The following SDF4 variants were observed in gnomAD, a reference collection of about 807,000 sequenced individuals.
SDF4 encodes stromal cell derived factor 4.
A neutral mutation model predicts 34.2 loss-of-function variants in SDF4; 22 were observed. The ratio of observed to expected loss-of-function variants is 0.64; its 90% confidence interval spans 0.46 to 0.92. The LOEUF (loss-of-function observed/expected upper bound fraction) is 0.92, where lower values mean the gene tolerates loss of function less well. Among genes scored for constraint, SDF4 ranks in the 40% least tolerant of loss-of-function variants. The probability of loss-of-function intolerance (pLI) is 0.00; values close to 1 mark genes in which losing one functional copy is unlikely to be tolerated. For synonymous variants in SDF4, 236 were observed against 203.1 expected, an observed-to-expected ratio of 1.16 and a Z score of -1.38; for missense variants, 447 against 499.9, an observed-to-expected ratio of 0.89 and a Z score of 1.01.
rs751541516 is a variant in SDF4 at position 1,217,795 on chromosome 1, T to C, written c.892-107A>G. 6.3e-7 allele frequency: 1 copy of C among 1,585,944 alleles called. No individual in the cohort carries two copies. The highest frequency in any genetic ancestry group is 8.6e-7 in the Non-Finnish European group (1 of 1,167,762). On this transcript the variant is annotated intron_variant, in intron 6 of 6. Coordinates refer to ENST00000360001, the MANE Select transcript of SDF4 (RefSeq NM_016176.6). This position sits in a 1 kb window ranked among gnomAD's most constrained non-coding sequence, Gnocchi z 8.5. ...GTGCCTATTGGCTGCAGCGGGAGTG[T>C]GGGCACGTTCTGGAAGGTTCCCGAA... is the stretch of plus-strand genomic sequence containing the variant.
chr1:1,225,025 G>A (rs1313003359), intron 2 of SDF4, among the ~76,000 whole-genome samples: 4 of 152,232 alleles, frequency 2.6e-5, no homozygotes, highest in South Asian at 4.1e-4. Context: ...CAGACTTGGG[G>A]GATAGGGACA....
At chr1:1,227,886 G>A (rs112328659) in intron 2 of SDF4, among the ~76,000 whole-genome samples, 11,706 of 152,210 alleles carry the variant, frequency 0.077, 569 homozygotes, top group East Asian at 0.17. Flanking sequence ...GGGCAGTGAC[G>A]GCCAAGGATG....
intron 1 of SDF4, among the ~76,000 whole-genome samples, chr1:1,231,644 G>A (rs1210265837): frequency 6.6e-6 from 1 of 152,264 alleles, no homozygotes; most frequent in Non-Finnish European, 1.5e-5. Context: ...GCATTCGTAG[G>A]TTTTGGCCAG....
rs1476545744 is a variant in SDF4, at chr1:1,223,979, G to A, written c.306-11C>T. On this transcript the variant is annotated splice_polypyrimidine_tract_variant and intron_variant, in intron 2 of 6. Coordinates refer to ENST00000360001, the MANE Select transcript of SDF4 (RefSeq NM_016176.6). ...GTGTTCACATCCACCCTGCAAGACA[G>A]CAAATGGGCAGGTGGCCGTCAGACT... is the stretch of plus-strand genomic sequence containing the variant. The A allele has an allele frequency of 1.2e-6, 2 of 1,608,954 alleles. No homozygotes were observed. The highest frequency in any genetic ancestry group is 2.2e-5 in the East Asian group (1 of 44,862).
At chr1:1,230,426 C>A (rs1336137512) in intron 1 of SDF4, among the ~76,000 whole-genome samples, 1 of 151,986 alleles carries the variant, frequency 6.6e-6, no homozygotes, top group Non-Finnish European at 1.5e-5. Context: ...TGAGTTCCCC[C>A]AAGGAAGGAA....
In SDF4 at chr1:1,217,760, G is replaced by A. The variant is rs769118460; in HGVS notation, c.892-72C>T. The stretch of plus-strand genomic sequence containing the variant: ...GCTCCGCGGCCAGCCGCACGAAGTG[G>A]CTATTTAAGGTGCCTATTGGCTGCA... On this transcript the variant is annotated intron_variant, in intron 6 of 6. Coordinates refer to ENST00000360001, the MANE Select transcript of SDF4 (RefSeq NM_016176.6). This position sits in a 1 kb window ranked among gnomAD's most constrained non-coding sequence, Gnocchi z 8.5. The A allele has an allele frequency of 1.9e-6, 3 of 1,604,606 alleles. No individual in the cohort carries two copies. Among genetic ancestry groups the A allele is most frequent in the Non-Finnish European group, 1.7e-6 (2 of 1,176,490 alleles).
Position 1,223,820 on chromosome 1 carries a change from C to CCCCCCCCCCCCCAA in SDF4, c.442+11_442+12insTTGGGGGGGGGGGG. The CCCCCCCCCCCCCAA allele has an allele frequency of 6.6e-7, 1 of 1,515,852 alleles. No individual in the cohort carries two copies. Among genetic ancestry groups the CCCCCCCCCCCCCAA allele is most frequent in the South Asian group, 1.2e-5 (1 of 86,082 alleles). 93.9% of individuals were successfully genotyped at this position (1,515,852 alleles called of 1,614,324 possible). A position where few individuals can be genotyped will look rare whatever the true frequency, so the allele number is the denominator to read the frequency against. On this transcript the variant is annotated intron_variant, in intron 3 of 6. Transcript: ENST00000360001. ...GCCCACCGCCCCACCCACCCCGGCCCAGCCACAGTACCGTCCCCGTCAGGG... is the reference window on the plus strand; with the variant it reads ...GCCCACCGCCCCACCCACCCCGGCCCCCCCCCCCCCCCAAAGCCACAGTACCGTCCCCGTCAGGG...
At chr1:1,227,589 C>G (rs1638351663) in intron 2 of SDF4, among the ~76,000 whole-genome samples, 1 of 152,218 alleles carries the variant, frequency 6.6e-6, no homozygotes, top group Non-Finnish European at 1.5e-5. Context: ...GCCCGGCACC[C>G]TGGCTGGCCT....
Position 1,217,559 on chromosome 1 carries a change from C to G in SDF4, c.1021G>C (p.Gly341Arg). Residue 341 changes from glycine (G) to arginine (R), a missense_variant, in exon 7 of 7, where the codon GGC becomes CGC. Coordinates refer to ENST00000360001, the MANE Select transcript of SDF4 (RefSeq NM_016176.6). This position sits in a 1 kb window ranked among gnomAD's most constrained non-coding sequence, Gnocchi z 8.5. ...CGCGCGTAGTCCACCAGCTTGCTGC[C>G]CGTGAAGAACTCGCTGTACTTGAGC... is the stretch of plus-strand genomic sequence containing the variant. ...EVLKYSEFFT[G>R]SKLVDYARSV... The G allele has an allele frequency of 1.2e-6, 2 of 1,613,264 alleles. No homozygotes were observed. Among genetic ancestry groups the G allele is most frequent in the Non-Finnish European group, 1.7e-6 (2 of 1,179,814 alleles).
chr1:1,228,355 C>T, intron 2 of SDF4, 113 bp downstream of exon 2: 1 of 1,215,324 alleles, frequency 8.2e-7, no homozygotes, highest in Non-Finnish European at 1.1e-6. Context: ...TCTTCCCAGC[C>T]CGGCAGGTCC....
chr1:1,220,797 G>A (rs1649901606), intron 4 of SDF4: 1 of 1,277,278 alleles, frequency 7.8e-7, no homozygotes, highest in Non-Finnish European at 1.0e-6. Context: ...TTGGGGGGCG[G>A]GCACGGGCAA....
rs12080401 is a variant in SDF4 at position 1,221,062 on chromosome 1, C to T, written c.557-2135G>A. ...TTTAGCCCAGGACTTTGAGACCAGC[C>T]TGGGCAACACAGGGAGATCCTCTTA... On this transcript the variant is annotated intron_variant, in intron 4 of 6. Coordinates refer to ENST00000360001, the MANE Select transcript of SDF4 (RefSeq NM_016176.6). 1,123 of 314,700 alleles carry T rather than the reference C, an allele frequency of 3.6e-3. 13 individuals carry two copies. The highest frequency in any genetic ancestry group is 0.022 in the African/African-American group (1,006 of 46,266). The allele number at this position is 314,700 out of a possible 1,614,324, so 19.5% of individuals were successfully genotyped here.
rs1211041360 is a variant in SDF4, at chr1:1,218,866, G to T, written c.618C>A (p.Asp206Glu). ...GGAACTCCTCCTCCGTCAGCAGCAG[G>T]TCTGCAGGGGGGCTGTCCGCCTGGT... ...RWYQADSPPA[D>E]LLLTEEEFLS... Residue 206 changes from aspartate (D) to glutamate (E), a missense_variant, in exon 5 of 7, where the codon GAC becomes GAA. Transcript: ENST00000360001. This position sits in a 1 kb window ranked among gnomAD's most constrained non-coding sequence, Gnocchi z 7.9. The T allele has an allele frequency of 6.3e-7, 1 of 1,598,300 alleles. No homozygotes were observed. The highest frequency in any genetic ancestry group is 8.5e-7 in the Non-Finnish European group (1 of 1,169,606).
intron 4 of SDF4, chr1:1,220,195 G>A: frequency 3.0e-6 from 3 of 992,380 alleles, no homozygotes; most frequent in Non-Finnish European, 3.6e-6. Flanking sequence ...CTCCCCACGA[G>A]CCGGGCCTCT....
At chr1:1,225,297 G>A (rs1014790255) in intron 2 of SDF4, among the ~76,000 whole-genome samples, 5 of 152,212 alleles carry the variant, frequency 3.3e-5, no homozygotes, top group African/African-American at 7.2e-5. Context: ...AGGCATCCCC[G>A]AGAGTAGGGT....
Position 1,225,049 on chromosome 1 carries a change from C to T in SDF4, c.306-1081G>A, listed in dbSNP as rs373949693. On this transcript the variant is annotated intron_variant, in intron 2 of 6. Coordinates refer to ENST00000360001, the MANE Select transcript of SDF4 (RefSeq NM_016176.6). ...GGGATAGGGACACAGACTGGGGACA[C>T]GGGGCCAGCGCAGGCCAGGTCAGGA... is the stretch of plus-strand genomic sequence containing the variant. 7.2e-5 allele frequency among the ~76,000 whole-genome samples: 11 copies of T among 152,326 alleles called. No individual in the cohort carries two copies. In the South Asian group the frequency reaches 8.3e-4, roughly 11 times the overall value.
chr1:1,223,327 T>C lies in SDF4; in HGVS notation c.473A>G (p.Lys158Arg), dbSNP rs776297732. The C allele has an allele frequency of 1.2e-6, 2 of 1,613,862 alleles. No individual in the cohort carries two copies. Among genetic ancestry groups the C allele is most frequent in the Non-Finnish European group, 1.7e-6 (2 of 1,179,874 alleles). Residue 158 changes from lysine to arginine, a missense_variant, in exon 4 of 7, where the codon AAG (lysine) becomes AGG (arginine). Coordinates refer to ENST00000360001, the MANE Select transcript of SDF4 (RefSeq NM_016176.6). ...GHVSWDEYKV[K>R]FLASKGHSEK... ...GCTATGGCCTTTACTCGCCAAAAAC[T>C]TCACCTTATACTCGTCCCAAGACAC...
chr1:1,228,616 C>G lies in SDF4; in HGVS notation c.157G>C (p.Asp53His), dbSNP rs200156622. ...TCCAGCTTCACCCCGTTCAGGTGGT[C>G]TGGGGGCAGGATCTCATTCTCCTCC... The part of the protein sequence containing the change: ...NREENEILPP[D>H]HLNGVKLEMD... The change falls in exon 2 of 7, where the codon GAC becomes CAC. Residue 53 changes from aspartate (D) to histidine (H), a missense_variant. Transcript: ENST00000360001. 38 of 1,613,248 alleles carry G rather than the reference C, an allele frequency of 2.4e-5. No homozygotes were observed. The African/African-American group carries it at 4.3e-4, about 18-fold the overall frequency.
At chr1:1,227,635 CT>C (rs544183522) in intron 2 of SDF4, among the ~76,000 whole-genome samples, 25 of 152,354 alleles carry the variant, frequency 1.6e-4, no homozygotes, top group African/African-American at 5.8e-4. Flanking sequence ...CCTGCTCTGC[CT>C]CCAGGGGTGA....
Sources: allele counts gnomAD v4.1 joint callset (sites outside exome capture counted in the v4.1 genomes callset), GRCh38; gene constraint gnomAD v4.1.1; non-coding constraint Gnocchi (gnomAD v3.1); transcripts MANE v1.5; gene names NCBI Gene and HGNC (gene_info 2026-07-23, HGNC 2026-07-21).